Variants in DNAAF4 observed in about 807,000 individuals in gnomAD.
The protein encoded by DNAAF4 is dynein assembly factor 4, axonemal.
In DNAAF4, 43 loss-of-function variants were observed where a neutral mutation model predicts 51.8. That is an observed-to-expected ratio of 0.83 (90% CI 0.65 to 1.07). The LOEUF is 1.07. Ranked by LOEUF, DNAAF4 falls within the 50% of genes least tolerant of loss-of-function variation. DNAAF4 has a pLI of 0.00. For synonymous variants in DNAAF4, 194 were observed against 165.6 expected, an observed-to-expected ratio of 1.17 and a Z score of -1.32; for missense variants, 581 against 493.0, an observed-to-expected ratio of 1.18 and a Z score of -1.69.
intron 3 of DNAAF4, among the ~76,000 whole-genome samples, chr15:55,493,456 G>T (rs2058600428): frequency 6.6e-6 from 1 of 152,158 alleles, no homozygotes; most frequent in Non-Finnish European, 1.5e-5. Context: ...TTAAAAACAG[G>T]AAGGTAGACA....
chr15:55,432,612 T>G lies in DNAAF4; in HGVS notation c.1048-10A>C. ...TCAATAATTCCAGTGCCTTACAAAA[T>G]ATATATAATTATTACAAGAAAGTTA... is the stretch of plus-strand genomic sequence containing the variant. On this transcript the variant is annotated splice_polypyrimidine_tract_variant and intron_variant, in intron 8 of 9. Coordinates refer to ENST00000321149, the MANE Select transcript of DNAAF4 (RefSeq NM_130810.4). The G allele has an allele frequency of 6.3e-7, 1 of 1,588,016 alleles. No individual in the cohort carries two copies. The highest frequency in any genetic ancestry group is 1.1e-5 in the South Asian group (1 of 87,560).
chr15:55,462,631 CAA>C (rs34906064), intron 5 of DNAAF4, among the ~76,000 whole-genome samples: 11 of 110,408 alleles, frequency 1.0e-4, no homozygotes, highest in Admixed American at 9.3e-5. Context: ...AAGGACATAA[CAA>C]AAAAAAAAAA....
At chr15:55,463,228 T>C (rs1297272908) in intron 5 of DNAAF4, among the ~76,000 whole-genome samples, 1 of 147,778 alleles carries the variant, frequency 6.8e-6, no homozygotes, top group East Asian at 2.0e-4. Context: ...TTTGACAAAA[T>C]CCAGCATCCC....
At chr15:55,476,534 G>T (rs1173893148) in intron 4 of DNAAF4, among the ~76,000 whole-genome samples, 3 of 152,158 alleles carry the variant, frequency 2.0e-5, no homozygotes, top group African/African-American at 7.2e-5. Context: ...ATGAGAAATG[G>T]TAAATATGTG....
intron 4 of DNAAF4, among the ~76,000 whole-genome samples, chr15:55,476,470 G>A (rs943174256): frequency 8.5e-5 from 13 of 152,080 alleles, no homozygotes; most frequent in Non-Finnish European, 1.8e-4. Flanking sequence ...AGAAAGGAAA[G>A]GAAAATGATA....
At chr15:55,432,185 A>T (rs951003152) in intron 9 of DNAAF4, among the ~76,000 whole-genome samples, 2 of 151,620 alleles carry the variant, frequency 1.3e-5, no homozygotes, top group Admixed American at 6.6e-5. Flanking sequence ...TCCCGACCTC[A>T]GGTGATCCAC....
At chr15:55,456,120 C>T (rs1281709230) in intron 5 of DNAAF4, among the ~76,000 whole-genome samples, 2 of 149,804 alleles carry the variant, frequency 1.3e-5, no homozygotes, top group African/African-American at 4.9e-5. Context: ...ACTCTTGTTG[C>T]CCAGGCTGGA....
chr15:55,429,999 T>C (rs978006895), downstream of DNAAF4, among the ~76,000 whole-genome samples: 1 of 152,136 alleles, frequency 6.6e-6, no homozygotes, highest in African/African-American at 2.4e-5. Context: ...TGCTGTCTTT[T>C]CTCCCCCTTG....
chr15:55,455,904 T>C (rs542512986), intron 5 of DNAAF4, among the ~76,000 whole-genome samples: 1 of 152,078 alleles, frequency 6.6e-6, no homozygotes, highest in African/African-American at 2.4e-5. Context: ...AAAATAAGAA[T>C]AGCAGCACTT....
At chr15:55,421,704 T>C (rs1595883206) in intron 7 of DNAAF4, among the ~76,000 whole-genome samples, 2 of 151,164 alleles carry the variant, frequency 1.3e-5, no homozygotes, top group South Asian at 2.1e-4. Context: ...CTGACCAATA[T>C]GGAGAAACCC....
At chr15:55,487,504 C>T (rs1277475465) in intron 4 of DNAAF4, among the ~76,000 whole-genome samples, 1 of 152,222 alleles carries the variant, frequency 6.6e-6, no homozygotes, top group East Asian at 1.9e-4. Context: ...CTCGGGTCCC[C>T]TTCCATGCTG....
At chr15:55,470,883 G>C (rs990604456) in intron 4 of DNAAF4, among the ~76,000 whole-genome samples, 4 of 104,936 alleles carry the variant, frequency 3.8e-5, no homozygotes. Flanking sequence ...ACAAGGTCTT[G>C]TTCTGTCACT....
chr15:55,497,595 T>A, intron 3 of DNAAF4, 117 bp downstream of exon 3: 1 of 1,063,422 alleles, frequency 9.4e-7, no homozygotes, highest in Non-Finnish European at 1.3e-6. Context: ...GCAAGACTCT[T>A]AAAAAAAAAA....
chr15:55,433,919 T>TTATAATATATATA (rs1317574977), intron 8 of DNAAF4, among the ~76,000 whole-genome samples: 4 of 6,576 alleles, frequency 6.1e-4, no homozygotes, highest in Non-Finnish European at 1.1e-3. Flanking sequence ...TATAATTATA[T>TTATAATATATATA]ATATTATATT....
At position 55,418,317 on chromosome 15, in the gene DNAAF4, G is replaced by A. The variant is rs889276736; in HGVS notation, c.1048-184C>T. On this transcript the variant is annotated intron_variant, in intron 7 of 7. Coordinates refer to the DNAAF4 transcript ENST00000448430. ...AACCCTGGCAATCCTGTGTTTTCAT[G>A]TATGTTGGATCCAAAGACACTCCAG... 1.0e-5 allele frequency: 16 copies of A among 1,545,552 alleles called. No individual in the cohort carries two copies. In the African/African-American group the frequency reaches 2.1e-4, roughly 20 times the overall value.
chr15:55,441,347 G>A (rs926986862), intron 6 of DNAAF4, among the ~76,000 whole-genome samples: 3 of 152,192 alleles, frequency 2.0e-5, no homozygotes, highest in African/African-American at 7.2e-5. Flanking sequence ...TGGGATTACA[G>A]GCGTGAGCCA....
At chr15:55,445,925 C>A (rs1308671622) in intron 6 of DNAAF4, among the ~76,000 whole-genome samples, 1 of 130,068 alleles carries the variant, frequency 7.7e-6, no homozygotes, top group Non-Finnish European at 1.6e-5. Context: ...CCAGACGGGG[C>A]GGCCGAGCAG....
chr15:55,431,210 G>A (rs1242701238), intron 9 of DNAAF4, among the ~76,000 whole-genome samples: 2 of 152,004 alleles, frequency 1.3e-5, no homozygotes, highest in African/African-American at 4.8e-5. Flanking sequence ...ACCGTGCCCG[G>A]CCCCTAAATC....
At chr15:55,499,115 T>C (rs1054829785) in intron 1 of DNAAF4, among the ~76,000 whole-genome samples, 7 of 152,196 alleles carry the variant, frequency 4.6e-5, no homozygotes, top group African/African-American at 1.4e-4. Context: ...CTAGTTGTTC[T>C]GTTTTGCAAA....
Sources: gnomAD v4.1 joint callset for allele counts (sites outside exome capture counted in the v4.1 genomes callset) on GRCh38, gnomAD v4.1.1 for gene constraint, MANE v1.5 for transcripts, NCBI Gene and HGNC (gene_info 2026-07-23, HGNC 2026-07-21) for gene names.